TBC1D5: variants seen among roughly 807,000 people sequenced by gnomAD.
TBC1D5 encodes TBC1 domain family, member 5.
Under a neutral mutation model 100.3 loss-of-function variants are expected in TBC1D5, and 75 were observed. That is an observed-to-expected ratio of 0.75 (90% CI 0.62 to 0.91). The LOEUF (loss-of-function observed/expected upper bound fraction) is 0.91. TBC1D5 is among the 40% of genes least tolerant of loss of function. TBC1D5 has a pLI of 0.00. For missense variants in TBC1D5, 910 were observed against 942.4 expected (o/e 0.97, Z 0.45); for synonymous variants, 323 against 325.6 (o/e 0.99, Z 0.09).
chr3:17,452,266 A>G (rs1222536525), intron 3 of TBC1D5, among the ~76,000 whole-genome samples: 1 of 152,172 alleles, frequency 6.6e-6, no homozygotes, highest in Non-Finnish European at 1.5e-5. Flanking sequence ...TTACAAAACA[A>G]CCAGAAAACA....
At chr3:17,652,327 A>G (rs2065657021) in intron 1 of TBC1D5, among the ~76,000 whole-genome samples, 1 of 152,180 alleles carries the variant, frequency 6.6e-6, no homozygotes, top group Admixed American at 6.5e-5. Flanking sequence ...TATATTTATC[A>G]TATGAAAATA....
At chr3:17,518,300 G>A (rs948012859) in intron 2 of TBC1D5, among the ~76,000 whole-genome samples, 2 of 152,126 alleles carry the variant, frequency 1.3e-5, no homozygotes, top group African/African-American at 4.8e-5. Context: ...GGCCCACCCT[G>A]CCCCTTCATC....
Position 17,418,327 on chromosome 3 carries a change from G to A in TBC1D5, c.167+10123C>T, listed in dbSNP as rs564362352. Among the ~76,000 whole-genome samples the A allele has an allele frequency of 1.1e-4, 16 of 152,116 alleles. No individual in the cohort carries two copies. In the South Asian group the frequency reaches 2.5e-3, roughly 24 times the overall value. On this transcript the variant is annotated intron_variant, in intron 4 of 21. Coordinates refer to ENST00000253692, the Ensembl canonical transcript of TBC1D5. ...CATCGATTCAAATATATCAAACATC[G>A]CTGGGTGCAGTGGCTCATGCCCGTA...
At chr3:17,694,596 G>C (rs2071713094) in intron 1 of TBC1D5, among the ~76,000 whole-genome samples, 2 of 152,212 alleles carry the variant, frequency 1.3e-5, no homozygotes, top group Admixed American at 6.5e-5. Flanking sequence ...ATGTGACTGT[G>C]TGAAAAGACC....
At chr3:17,659,714 C>T (rs2066463273) in intron 1 of TBC1D5, among the ~76,000 whole-genome samples, 1 of 152,034 alleles carries the variant, frequency 6.6e-6, no homozygotes, top group South Asian at 2.1e-4. Context: ...ACAATTCAAA[C>T]CTCAAACTTA....
chr3:17,450,579 G>A (rs1350669768), intron 3 of TBC1D5, among the ~76,000 whole-genome samples: 9 of 152,104 alleles, frequency 5.9e-5, no homozygotes, highest in Admixed American at 1.3e-4. Flanking sequence ...CAAGAACTTC[G>A]TGAAGCATAC....
At chr3:17,245,455 T>G (rs1013384782) in intron 16 of TBC1D5, among the ~76,000 whole-genome samples, 1 of 151,814 alleles carries the variant, frequency 6.6e-6, no homozygotes, top group African/African-American at 2.4e-5. Flanking sequence ...CCTTTAGAGT[T>G]GAATTTCAAG....
intron 1 of TBC1D5, among the ~76,000 whole-genome samples, chr3:17,648,284 T>C (rs1314681787): frequency 2.0e-5 from 3 of 152,096 alleles, no homozygotes; most frequent in Non-Finnish European, 4.4e-5. Context: ...ATATAGATGA[T>C]TGAAACTGGA....
chr3:17,160,950 C>T, exon 22 of TBC1D5: 5 of 1,609,420 alleles, frequency 3.1e-6, no homozygotes, highest in Non-Finnish European at 4.2e-6. Flanking sequence ...TGGGGCAGGA[C>T]TGGGCACTGT....
chr3:17,472,936 T>C (rs2095395710), intron 3 of TBC1D5, among the ~76,000 whole-genome samples: 2 of 152,238 alleles, frequency 1.3e-5, no homozygotes, highest in South Asian at 2.1e-4. Context: ...CACAGTACCA[T>C]AATTCACACA....
At chr3:17,671,451 T>C (rs576267276) in intron 1 of TBC1D5, among the ~76,000 whole-genome samples, 3 of 152,310 alleles carry the variant, frequency 2.0e-5, no homozygotes, top group South Asian at 2.1e-4. Flanking sequence ...AATTCACTGA[T>C]TGACGGCCTC....
chr3:17,633,540 G>GA (rs999120604), intron 1 of TBC1D5, among the ~76,000 whole-genome samples: 3 of 150,626 alleles, frequency 2.0e-5, no homozygotes, highest in African/African-American at 4.9e-5. Flanking sequence ...ACTCTAAGAT[G>GA]AAAAAAAAAT....
chr3:17,277,429 T>C (rs1209013537), intron 15 of TBC1D5, among the ~76,000 whole-genome samples: 1 of 152,220 alleles, frequency 6.6e-6, no homozygotes, highest in Non-Finnish European at 1.5e-5. Context: ...AACTTCATTA[T>C]AGAATAGTAA....
chr3:17,641,287 A>G (rs2064472595), intron 1 of TBC1D5, among the ~76,000 whole-genome samples: 1 of 152,080 alleles, frequency 6.6e-6, no homozygotes, highest in Non-Finnish European at 1.5e-5. Context: ...CACACAAAAA[A>G]TACACAAACT....
chr3:17,350,270 A>T (rs1391208092), intron 13 of TBC1D5, among the ~76,000 whole-genome samples: 1 of 152,192 alleles, frequency 6.6e-6, no homozygotes, highest in Non-Finnish European at 1.5e-5. Context: ...AAGAAAAAAA[A>T]GGAAAACAGA....
chr3:17,207,943 T>A (rs1488512876), intron 18 of TBC1D5, among the ~76,000 whole-genome samples: 1 of 152,222 alleles, frequency 6.6e-6, no homozygotes, highest in East Asian at 1.9e-4. Flanking sequence ...AAAGGTATCA[T>A]CATATAGTTT....
At chr3:17,697,132 AC>A (rs1490414068) in intron 1 of TBC1D5, among the ~76,000 whole-genome samples, 1 of 152,192 alleles carries the variant, frequency 6.6e-6, no homozygotes, top group Non-Finnish European at 1.5e-5. Flanking sequence ...TTTATGACAA[AC>A]CCACAGCCAA....
At chr3:17,380,045 ATGTGTGTGTGTGTGTGTG>A (rs3041142) in intron 9 of TBC1D5, among the ~76,000 whole-genome samples, 20 of 112,492 alleles carry the variant, frequency 1.8e-4, no homozygotes, top group East Asian at 9.3e-4. Flanking sequence ...GTGACTGTGT[ATGTGTGTGTGTGTGTGTG>A]TGTGTGTGTG....
intron 1 of TBC1D5, among the ~76,000 whole-genome samples, chr3:17,708,016 CT>C (rs2074350835): frequency 6.6e-6 from 1 of 152,178 alleles, no homozygotes; most frequent in Admixed American, 6.5e-5. Flanking sequence ...ATTTGGTTCA[CT>C]TTATGTACAC....
Sources: allele counts gnomAD v4.1 joint callset (sites outside exome capture counted in the v4.1 genomes callset), GRCh38; gene constraint gnomAD v4.1.1; transcripts MANE v1.5; gene names NCBI Gene and HGNC (gene_info 2026-07-23, HGNC 2026-07-21).